Variants in GPC3 observed in about 807,000 individuals in gnomAD.
GPC3 encodes the protein glypican-3.
GPC3 carries 3 observed loss-of-function variants against 34.4 expected under a neutral mutation model. That is an observed-to-expected ratio of 0.09 (90% CI 0.04 to 0.23). GPC3 has a LOEUF of 0.23. Ranked by LOEUF, GPC3 falls within the 10% of genes least tolerant of loss-of-function variation. GPC3 has a pLI of 1.00. For missense variants in GPC3, 351 were observed against 445.6 expected, an observed-to-expected ratio of 0.79 and a Z score of 1.91; for synonymous variants, 177 against 174.0, an observed-to-expected ratio of 1.02 and a Z score of -0.13.
At chrX:133,689,857 C>G (rs1369504841) in intron 5 of GPC3, among the ~76,000 whole-genome samples, 2 of 112,015 alleles carry the variant, frequency 1.8e-5, no homozygotes, top group Non-Finnish European at 3.8e-5. Context: ...TAACACTGGA[C>G]AAGGCACTGG....
intron 4 of GPC3, among the ~76,000 whole-genome samples, chrX:133,698,195 A>G (rs952464111): frequency 8.9e-6 from 1 of 112,268 alleles, no homozygotes; most frequent in Admixed American, 9.4e-5. Context: ...AAGGGCAAAG[A>G]AGGGAGAAGC....
chrX:133,883,851 T>C (rs1490860384), intron 2 of GPC3, among the ~76,000 whole-genome samples: 2 of 112,386 alleles, frequency 1.8e-5, no homozygotes, highest in African/African-American at 3.2e-5. Flanking sequence ...GCTTTAGATA[T>C]GTGTTGCATG....
intron 5 of GPC3, among the ~76,000 whole-genome samples, chrX:133,689,238 T>C (rs1434328507): frequency 1.8e-5 from 2 of 111,627 alleles, no homozygotes; most frequent in East Asian, 2.8e-4. Flanking sequence ...AATAGGAGTT[T>C]GGAATATTAG....
intron 3 of GPC3, among the ~76,000 whole-genome samples, chrX:133,712,872 G>A (rs1033383774): frequency 3.3e-4 from 36 of 110,668 alleles, no homozygotes; most frequent in Admixed American, 2.4e-3. Context: ...GGAAAAGAGC[G>A]AGACTCCCTC....
At chrX:133,910,390 T>C (rs779102675) in intron 2 of GPC3, among the ~76,000 whole-genome samples, 1 of 111,527 alleles carries the variant, frequency 9.0e-6, no homozygotes, top group South Asian at 3.8e-4. Flanking sequence ...CAAAACATCA[T>C]ATAACCATGT....
chrX:133,596,400 C>T (rs552256440), intron 7 of GPC3, 40 bp downstream of exon 7: 3 of 1,150,468 alleles, frequency 2.6e-6, no homozygotes, highest in South Asian at 1.8e-5. Flanking sequence ...CTGAGCATCA[C>T]CATTTTTAGA....
chrX:133,879,626 T>C (rs2076032676), intron 2 of GPC3, among the ~76,000 whole-genome samples: 1 of 110,066 alleles, frequency 9.1e-6, no homozygotes, highest in Admixed American at 9.7e-5. Context: ...GCCAACATGG[T>C]GAAACCCCAT....
chrX:133,909,324 A>G (rs902175710), intron 2 of GPC3, among the ~76,000 whole-genome samples: 1 of 112,188 alleles, frequency 8.9e-6, no homozygotes, highest in African/African-American at 3.2e-5. Context: ...AGACTCTCAA[A>G]TGTTCTGCTA....
intron 7 of GPC3, among the ~76,000 whole-genome samples, chrX:133,548,375 C>A (rs1036250282): frequency 7.2e-5 from 8 of 111,006 alleles, no homozygotes; most frequent in Non-Finnish European, 1.3e-4. Context: ...AATCAGGTAA[C>A]CTTACATTTT....
intron 2 of GPC3, among the ~76,000 whole-genome samples, chrX:133,811,667 A>C (rs1395848313): frequency 2.7e-5 from 3 of 111,700 alleles, no homozygotes; most frequent in African/African-American, 9.8e-5. Flanking sequence ...TCATTTGCAC[A>C]CAGTAGGTCA....
chrX:133,554,141 G>A (rs1250113289), intron 7 of GPC3, among the ~76,000 whole-genome samples: 5 of 109,614 alleles, frequency 4.6e-5, no homozygotes, highest in African/African-American at 1.0e-4. Flanking sequence ...AGCCCCCTGA[G>A]TAGCTGGGAC....
intron 7 of GPC3, among the ~76,000 whole-genome samples, chrX:133,536,619 C>G (rs2069295981): frequency 9.0e-6 from 1 of 110,566 alleles, no homozygotes; most frequent in African/African-American, 3.3e-5. Flanking sequence ...TTTGCAACAT[C>G]TCCTCCCAGG....
chrX:133,907,133 G>T (rs751759134), intron 2 of GPC3, among the ~76,000 whole-genome samples: 1 of 110,550 alleles, frequency 9.0e-6, no homozygotes, highest in South Asian at 3.9e-4. Flanking sequence ...TCTTTTATTC[G>T]TGAGATTCCT....
chrX:133,834,133 T>C (rs1315802422), intron 2 of GPC3, among the ~76,000 whole-genome samples: 2 of 112,384 alleles, frequency 1.8e-5, no homozygotes, highest in Non-Finnish European at 3.8e-5. Flanking sequence ...CTTTTCTTGA[T>C]TGTTGTTTTC....
intron 2 of GPC3, among the ~76,000 whole-genome samples, chrX:133,885,961 G>T (rs2076059922): frequency 9.0e-6 from 1 of 111,203 alleles, no homozygotes; most frequent in Admixed American, 9.6e-5. Flanking sequence ...GAAGAAAAAA[G>T]AACAGGAATT....
intron 2 of GPC3, among the ~76,000 whole-genome samples, chrX:133,945,029 A>T (rs2076361646): frequency 8.9e-6 from 1 of 112,037 alleles, no homozygotes; most frequent in Non-Finnish European, 1.9e-5. Flanking sequence ...TCCAAGAGGG[A>T]AGTCTAAGTG....
At chrX:133,743,777 T>C (rs1404703805) in intron 3 of GPC3, among the ~76,000 whole-genome samples, 1 of 112,082 alleles carries the variant, frequency 8.9e-6, no homozygotes, top group Non-Finnish European at 1.9e-5. Flanking sequence ...CCTTGTAGTA[T>C]ATAGTTTGAA....
At chrX:133,869,954 C>G (rs1333846451) in intron 2 of GPC3, among the ~76,000 whole-genome samples, 1 of 111,400 alleles carries the variant, frequency 9.0e-6, no homozygotes, top group African/African-American at 3.3e-5. Context: ...GAGTCCGTCT[C>G]AAAAAAATAA....
intron 5 of GPC3, among the ~76,000 whole-genome samples, chrX:133,681,587 C>T (rs1204414892): frequency 8.9e-6 from 1 of 112,209 alleles, no homozygotes. Context: ...GAAAGTGGCA[C>T]CTGCCAGCCA....
Sources: allele counts gnomAD v4.1 joint callset (sites outside exome capture counted in the v4.1 genomes callset), GRCh38; gene constraint gnomAD v4.1.1; transcripts MANE v1.5; gene names NCBI Gene and HGNC (gene_info 2026-07-23, HGNC 2026-07-21).